The following PASD1 variants were observed in gnomAD, a reference collection of about 807,000 sequenced individuals.
PASD1 encodes the protein circadian clock protein PASD1.
A neutral mutation model predicts 58.8 loss-of-function variants in PASD1; 13 were observed. The observed-to-expected ratio is 0.22, with a 90% CI of 0.14 to 0.35. The LOEUF is 0.35. PASD1 is among the 10% of genes least tolerant of loss of function. The pLI is 1.00. For synonymous variants in PASD1, 236 were observed against 216.7 expected (o/e 1.09, Z -0.78); for missense variants, 734 against 568.3 (o/e 1.29, Z -2.96).
rs181513758 is a variant in PASD1 at position 151,651,923 on chromosome X, A to G, written c.717+3221A>G. 2.8e-3 allele frequency among the ~76,000 whole-genome samples: 319 copies of G among 112,161 alleles called. 5 individuals carry two copies. The highest frequency in any genetic ancestry group is 0.024 in the Admixed American group (256 of 10,581). On this transcript the variant is annotated intron_variant, in intron 9 of 15. Transcript: ENST00000370357. Reference sequence around the variant, plus strand: ...CAGTATCTATGTCTCTTACTGCCCAATGAGGCGTCTACTTTTAAAACTATT... The same window carrying G: ...CAGTATCTATGTCTCTTACTGCCCAGTGAGGCGTCTACTTTTAAAACTATT...
intron 1 of PASD1, among the ~76,000 whole-genome samples, chrX:151,575,603 G>A (rs1008911091): frequency 9.0e-6 from 1 of 110,695 alleles, no homozygotes; most frequent in Non-Finnish European, 1.9e-5. Flanking sequence ...AATTTGAAAC[G>A]GATCATCAAG....
intron 7 of PASD1, among the ~76,000 whole-genome samples, chrX:151,623,589 A>T (rs1602938357): frequency 8.9e-6 from 1 of 112,241 alleles, no homozygotes; most frequent in Non-Finnish European, 1.9e-5. Context: ...GTAAGTACCT[A>T]CTGTGTTACA....
At chrX:151,630,266 T>G (rs2013850974) in intron 8 of PASD1, among the ~76,000 whole-genome samples, 1 of 111,739 alleles carries the variant, frequency 8.9e-6, no homozygotes. Flanking sequence ...TCAGCTCTCA[T>G]GTGATGGATT....
intron 1 of PASD1, among the ~76,000 whole-genome samples, chrX:151,597,469 C>T (rs905283017): frequency 8.9e-6 from 1 of 111,749 alleles, no homozygotes; most frequent in Non-Finnish European, 1.9e-5. Flanking sequence ...ATGGGTATAA[C>T]GTTGATCATA....
intron 14 of PASD1, chrX:151,672,933 C>T: frequency 3.0e-6 from 1 of 331,919 alleles, no homozygotes; most frequent in Non-Finnish European, 5.1e-6. Context: ...GGAATTAGCC[C>T]ACAAACCTTG....
At chrX:151,622,042 C>G (rs1284983357) in intron 6 of PASD1, among the ~76,000 whole-genome samples, 2 of 109,601 alleles carry the variant, frequency 1.8e-5, no homozygotes, top group Admixed American at 9.8e-5. Context: ...TATATAAAAC[C>G]TAGAGATCAA....
At chrX:151,654,942 G>T (rs2014217453) in intron 9 of PASD1, among the ~76,000 whole-genome samples, 1 of 110,330 alleles carries the variant, frequency 9.1e-6, no homozygotes, top group Non-Finnish European at 1.9e-5. Flanking sequence ...CCATGTTGGT[G>T]TGCTGCACCC....
chrX:151,567,159 G>T (rs1443947537), intron 1 of PASD1, among the ~76,000 whole-genome samples: 1 of 111,330 alleles, frequency 9.0e-6, no homozygotes, highest in Non-Finnish European at 1.9e-5. Flanking sequence ...TCGAGTCAGG[G>T]ATGCTCCGCC....
chrX:151,593,115 A>G (rs1017529981), intron 1 of PASD1, among the ~76,000 whole-genome samples: 6 of 111,030 alleles, frequency 5.4e-5, no homozygotes, highest in Non-Finnish European at 9.4e-5. Context: ...CTAGTGATAT[A>G]TTTATCCTAG....
chrX:151,625,579 A>G, intron 8 of PASD1, 49 bp downstream of exon 8: 1 of 901,925 alleles, frequency 1.1e-6, no homozygotes, highest in Non-Finnish European at 1.6e-6. Context: ...ATTCAATTTT[A>G]CTAAACGAAA....
At chrX:151,616,043 C>G (rs1449153075) in intron 4 of PASD1, among the ~76,000 whole-genome samples, 2 of 111,942 alleles carry the variant, frequency 1.8e-5, no homozygotes, top group Admixed American at 1.9e-4. Flanking sequence ...GCAAAGAGGA[C>G]AGTGTAACTG....
At chrX:151,613,528 C>G (rs2013595885) in intron 4 of PASD1, among the ~76,000 whole-genome samples, 1 of 109,430 alleles carries the variant, frequency 9.1e-6, no homozygotes, top group Non-Finnish European at 1.9e-5. Context: ...TGAAGAGGTC[C>G]TTCACATCCC....
intron 3 of PASD1, among the ~76,000 whole-genome samples, chrX:151,605,983 A>C (rs1247119140): frequency 1.8e-5 from 2 of 112,323 alleles, no homozygotes; most frequent in Non-Finnish European, 3.8e-5. Flanking sequence ...TCCTGTTACC[A>C]ATTTTATGAA....
At chrX:151,639,441 C>T (rs371636470) in intron 8 of PASD1, among the ~76,000 whole-genome samples, 1 of 112,190 alleles carries the variant, frequency 8.9e-6, no homozygotes, top group Non-Finnish European at 1.9e-5. Context: ...AGATGTACAA[C>T]GAAACGAGAA....
At chrX:151,625,258 T>C (rs1009745965) in intron 7 of PASD1, among the ~76,000 whole-genome samples, 190 bp from the exon 8 acceptor site, 2 of 112,099 alleles carry the variant, frequency 1.8e-5, no homozygotes, top group East Asian at 5.6e-4. Context: ...ACTAGCTCTA[T>C]TTCTTGGGTC....
rs1027105712 is a variant in PASD1, at chrX:151,674,126, A to G, written c.2115A>G (p.Gln705=). The change falls in exon 15 of 16, where the codon CAA becomes CAG. Residue 705 remains glutamine (Q), a synonymous_variant. Transcript: ENST00000370357. ...ELSDSLGPVV[Q]VNTWSCDEQG... Reference sequence around the variant, plus strand: ...CTGATTCACTCGGTCCTGTTGTCCAAGTGAACACTTGGTCTTGCGATGAGC... The same window carrying G: ...CTGATTCACTCGGTCCTGTTGTCCAGGTGAACACTTGGTCTTGCGATGAGC... 3.3e-6 allele frequency: 4 copies of G among 1,212,120 alleles called. No homozygotes were observed. The highest frequency in any genetic ancestry group is 4.5e-6 in the Non-Finnish European group (4 of 895,596).
At chrX:151,571,031 A>G (rs2012919957) in intron 1 of PASD1, among the ~76,000 whole-genome samples, 1 of 111,865 alleles carries the variant, frequency 8.9e-6, no homozygotes, top group Non-Finnish European at 1.9e-5. Flanking sequence ...CCCTCATGAC[A>G]GAGGCCAGCT....
intron 9 of PASD1, 46 bp from the exon 10 acceptor site, chrX:151,659,667 A>G (rs1328523314): frequency 2.7e-6 from 3 of 1,127,594 alleles, no homozygotes; most frequent in East Asian, 3.1e-5. Context: ...TATTCTTTCT[A>G]ACTCCAAAAT....
intron 1 of PASD1, among the ~76,000 whole-genome samples, chrX:151,598,592 C>A (rs2013353061): frequency 9.0e-6 from 1 of 111,698 alleles, no homozygotes; most frequent in African/African-American, 3.3e-5. Context: ...TTTTCTAACC[C>A]ATTTCTCCTA....
Sources: allele counts gnomAD v4.1 joint callset (sites outside exome capture counted in the v4.1 genomes callset), GRCh38; gene constraint gnomAD v4.1.1; transcripts MANE v1.5; gene names NCBI Gene and HGNC (gene_info 2026-07-23, HGNC 2026-07-21).